GGNBP2: variants seen among roughly 807,000 people sequenced by gnomAD.
GGNBP2 encodes gametogenetin-binding protein 2.
GGNBP2 carries 10 observed loss-of-function variants against 85.9 expected under a neutral mutation model. The observed-to-expected ratio is 0.12, with a 90% CI of 0.07 to 0.20. The LOEUF (loss-of-function observed/expected upper bound fraction) is 0.20. GGNBP2 is among the 10% of genes least tolerant of loss of function. GGNBP2 has a pLI of 1.00. For missense variants in GGNBP2, 595 were observed against 857.8 expected (o/e 0.69, Z 3.83); for synonymous variants, 287 against 285.7 (o/e 1.00, Z -0.05).
rs2074639882 is a variant in GGNBP2, at chr17:36,580,711, G to A, written c.1021-633G>A. ...AAGGTGGGCGGATCACTTGAGGCCA[G>A]GAGTTCGAGACCAACCTGGCCATGA... On this transcript the variant is annotated intron_variant, in intron 8 of 13. Transcript: ENST00000613102. Among the ~76,000 whole-genome samples, 3 of 151,106 alleles carry A rather than the reference G, an allele frequency of 2.0e-5. No individual in the cohort carries two copies. The South Asian group carries it at 6.3e-4, about 32-fold the overall frequency.
At chr17:36,583,741 G>A (rs1261544796) in intron 9 of GGNBP2, among the ~76,000 whole-genome samples, 1 of 152,206 alleles carries the variant, frequency 6.6e-6, no homozygotes, top group Non-Finnish European at 1.5e-5. Flanking sequence ...GGGATTACAG[G>A]AATAAGCCAC....
chr17:36,554,685 G>T, intron 2 of GGNBP2, 135 bp from the exon 3 acceptor site: 1 of 665,564 alleles, frequency 1.5e-6, no homozygotes, highest in Non-Finnish European at 2.8e-6. Flanking sequence ...CATGTACTTG[G>T]ATTTAACAAA....
intron 6 of GGNBP2, among the ~76,000 whole-genome samples, chr17:36,570,718 C>A (rs1345228549): frequency 6.7e-6 from 1 of 150,248 alleles, no homozygotes; most frequent in East Asian, 2.0e-4. Flanking sequence ...AAAACAACAA[C>A]AAAAAAAGAA....
At chr17:36,558,121 AAAAG>A (rs922475744) in intron 4 of GGNBP2, among the ~76,000 whole-genome samples, 154 of 143,684 alleles carry the variant, frequency 1.1e-3, no homozygotes, top group Middle Eastern at 4.4e-3. Context: ...CAAAAAGAAA[AAAAG>A]AAGAGCGACT....
At chr17:36,568,882 A>G (rs1279804843) in intron 6 of GGNBP2, among the ~76,000 whole-genome samples, 1 of 151,868 alleles carries the variant, frequency 6.6e-6, no homozygotes, top group Admixed American at 6.6e-5. Flanking sequence ...CACCCTCCCA[A>G]GTAGCTGGGA....
chr17:36,578,438 T>C (rs1265848471), intron 7 of GGNBP2: 1 of 420,028 alleles, frequency 2.4e-6, no homozygotes, highest in Non-Finnish European at 4.2e-6. Context: ...TTTTTGGCTT[T>C]CATTGTTACA....
chr17:36,545,968 C>G, intron 2 of GGNBP2, 151 bp downstream of exon 2: 1 of 589,988 alleles, frequency 1.7e-6, no homozygotes, highest in South Asian at 2.1e-5. Flanking sequence ...ACAAACTCGC[C>G]TTTGCAGTGG....
chr17:36,566,248 C>T (rs573441338), intron 5 of GGNBP2, among the ~76,000 whole-genome samples: 48 of 152,326 alleles, frequency 3.2e-4, no homozygotes, highest in African/African-American at 1.1e-3. Context: ...CCACATTTCC[C>T]TTGGAATGCA....
At chr17:36,552,535 C>CT (rs1193078071) in intron 2 of GGNBP2, among the ~76,000 whole-genome samples, 2 of 131,222 alleles carry the variant, frequency 1.5e-5, no homozygotes, top group South Asian at 2.5e-4. Flanking sequence ...TATGAAAGTG[C>CT]TTATAACAAT....
chr17:36,578,545 A>G (rs1452737078), intron 7 of GGNBP2: 1 of 199,190 alleles, frequency 5.0e-6, no homozygotes, highest in Non-Finnish European at 1.0e-5. Flanking sequence ...TGGTTTTTGC[A>G]TAAGTCAGAT....
chr17:36,555,514 C>A (rs1469937701), intron 3 of GGNBP2, among the ~76,000 whole-genome samples: 1 of 152,082 alleles, frequency 6.6e-6, no homozygotes, highest in African/African-American at 2.4e-5. Context: ...GGCAACATGG[C>A]AAAACCCTGT....
intron 2 of GGNBP2, among the ~76,000 whole-genome samples, chr17:36,549,557 C>T (rs779398901): frequency 6.6e-6 from 1 of 152,118 alleles, no homozygotes; most frequent in East Asian, 1.9e-4. Context: ...AACAAATTAC[C>T]CTTAGTCATG....
At chr17:36,569,839 A>G (rs2074505584) in intron 6 of GGNBP2, among the ~76,000 whole-genome samples, 1 of 152,280 alleles carries the variant, frequency 6.6e-6, no homozygotes, top group African/African-American at 2.4e-5. Context: ...ATTAGAGCAC[A>G]TGTTTTGGAG....
At chr17:36,570,802 C>A (rs1043834750) in intron 6 of GGNBP2, among the ~76,000 whole-genome samples, 1 of 152,188 alleles carries the variant, frequency 6.6e-6, no homozygotes, top group Non-Finnish European at 1.5e-5. Flanking sequence ...GGGCAGATCA[C>A]ATGAGGCCAG....
intron 2 of GGNBP2, among the ~76,000 whole-genome samples, chr17:36,549,101 T>G (rs996387502): frequency 2.0e-5 from 3 of 152,228 alleles, no homozygotes; most frequent in Non-Finnish European, 4.4e-5. Context: ...TGGTGAAATA[T>G]TTAAGAAAGT....
At position 36,550,713 on chromosome 17, in the gene GGNBP2, A is replaced by G. The variant is rs62070734; in HGVS notation, c.94-4107A>G. On this transcript the variant is annotated intron_variant, in intron 2 of 13. Transcript: ENST00000613102. ...TTTATAAAGCAGTAATTGCAGCACAATGACTTGTTCTATTTGTTGCTAGCT... is the reference window on the plus strand; with the variant it reads ...TTTATAAAGCAGTAATTGCAGCACAGTGACTTGTTCTATTTGTTGCTAGCT... Among the ~76,000 whole-genome samples the G allele has an allele frequency of 2.9e-3, 448 of 152,342 alleles. 1 individual carries two copies. Among genetic ancestry groups the G allele is most frequent in the Non-Finnish European group, 4.8e-3 (324 of 68,040 alleles).
intron 2 of GGNBP2, among the ~76,000 whole-genome samples, chr17:36,552,988 C>A (rs2074324964): frequency 6.8e-6 from 1 of 146,278 alleles, no homozygotes; most frequent in Admixed American, 7.0e-5. Flanking sequence ...TGCCACTGCA[C>A]TCCAGCCTGG....
Position 36,580,834 on chromosome 17 carries a change from G to A in GGNBP2, c.1021-510G>A, listed in dbSNP as rs569859577. ...CTTGAGAGGCTGAGGCAGGAGAATCGCTTGAACCTGGGTGGTAGAGGTTGC... is the reference window on the plus strand; with the variant it reads ...CTTGAGAGGCTGAGGCAGGAGAATCACTTGAACCTGGGTGGTAGAGGTTGC... On this transcript the variant is annotated intron_variant, in intron 8 of 13. Transcript: ENST00000613102. Among the ~76,000 whole-genome samples the A allele has an allele frequency of 3.2e-4, 48 of 151,960 alleles. No individual in the cohort carries two copies. In the South Asian group the frequency reaches 5.8e-3, roughly 18 times the overall value.
At chr17:36,555,290 A>G (rs1394993485) in intron 3 of GGNBP2, among the ~76,000 whole-genome samples, 2 of 152,252 alleles carry the variant, frequency 1.3e-5, no homozygotes, top group Non-Finnish European at 2.9e-5. Context: ...CCTGAGAAAT[A>G]TAGTGCTTTA....
Sources: gnomAD v4.1 joint callset for allele counts (sites outside exome capture counted in the v4.1 genomes callset) on GRCh38, gnomAD v4.1.1 for gene constraint, MANE v1.5 for transcripts, NCBI Gene and HGNC (gene_info 2026-07-23, HGNC 2026-07-21) for gene names.